Variants in TYW1B observed in about 807,000 individuals in gnomAD.
The protein encoded by TYW1B is S-adenosyl-L-methionine-dependent tRNA 4-demethylwyosine synthase TYW1B.
A neutral mutation model predicts 86.9 loss-of-function variants in TYW1B; 73 were observed. That is an observed-to-expected ratio of 0.84 (90% confidence interval 0.70 to 1.02). The LOEUF (loss-of-function observed/expected upper bound fraction) is 1.02, where lower values mean the gene tolerates loss of function less well. Ranked by LOEUF, TYW1B falls within the 50% of genes least tolerant of loss-of-function variation. The probability of loss-of-function intolerance (pLI) is 0.00; values close to 1 mark genes in which losing one functional copy is unlikely to be tolerated. For synonymous variants in TYW1B, 248 were observed against 292.8 expected (o/e 0.85, Z 1.56); for missense variants, 637 against 827.4 (o/e 0.77, Z 2.82).
At chr7:72,827,958 T>G in intron 1 of TYW1B, 114 bp downstream of exon 1, 1 of 1,561,492 alleles carries the variant, frequency 6.4e-7, no homozygotes. Flanking sequence ...TGCTGTCAAG[T>G]GCAACAGTCT....
intron 7 of TYW1B, among the ~76,000 whole-genome samples, chr7:72,777,136 T>C (rs1469802319): frequency 5.3e-5 from 8 of 152,068 alleles, no homozygotes; most frequent in Non-Finnish European, 8.8e-5. Context: ...CATATAAGCT[T>C]TTCTATGCAT....
At chr7:72,764,526 C>A (rs1787740257) in intron 7 of TYW1B, among the ~76,000 whole-genome samples, 1 of 152,172 alleles carries the variant, frequency 6.6e-6, no homozygotes, top group South Asian at 2.1e-4. Flanking sequence ...CGTCATCCGC[C>A]CACCTCGGCC....
At chr7:72,623,804 T>G (rs1209489159) in intron 12 of TYW1B, among the ~76,000 whole-genome samples, 3 of 152,176 alleles carry the variant, frequency 2.0e-5, no homozygotes, top group African/African-American at 7.2e-5. Flanking sequence ...CTGTTGTTAT[T>G]TATTAATTTT....
At chr7:72,580,346 G>A (rs781799868) in intron 13 of TYW1B, among the ~76,000 whole-genome samples, 1 of 152,202 alleles carries the variant, frequency 6.6e-6, no homozygotes, top group Non-Finnish European at 1.5e-5. Flanking sequence ...ACAGAGGCAT[G>A]AAACCCCAAA....
At chr7:72,602,607 T>C (rs1309760865) in intron 13 of TYW1B, among the ~76,000 whole-genome samples, 2 of 152,108 alleles carry the variant, frequency 1.3e-5, no homozygotes, top group Non-Finnish European at 2.9e-5. Flanking sequence ...ACAATGGGGT[T>C]ATGTTCTGAT....
chr7:72,717,145 A>G (rs1786804368), intron 9 of TYW1B, among the ~76,000 whole-genome samples: 1 of 151,902 alleles, frequency 6.6e-6, no homozygotes, highest in East Asian at 2.0e-4. Context: ...TACTAAAAAT[A>G]CAAAAATTAG....
intron 2 of TYW1B, among the ~76,000 whole-genome samples, chr7:72,823,767 C>T (rs1183034096): frequency 6.6e-6 from 1 of 152,052 alleles, no homozygotes; most frequent in Non-Finnish European, 1.5e-5. Flanking sequence ...GACTTGAGGG[C>T]TGTTTGTATA....
At chr7:72,743,806 T>C (rs1203429217) in intron 8 of TYW1B, among the ~76,000 whole-genome samples, 11 of 147,026 alleles carry the variant, frequency 7.5e-5, no homozygotes, top group Admixed American at 2.1e-4. Context: ...ATGACGCCAC[T>C]GCCCTCCACC....
intron 7 of TYW1B, among the ~76,000 whole-genome samples, chr7:72,745,833 C>T (rs1200007973): frequency 7.0e-6 from 1 of 143,278 alleles, no homozygotes; most frequent in Non-Finnish European, 1.5e-5. Flanking sequence ...GAATGAGTAG[C>T]CTTTACACGT....
intron 13 of TYW1B, among the ~76,000 whole-genome samples, chr7:72,603,730 G>A (rs76157000): frequency 6.6e-6 from 1 of 152,010 alleles, no homozygotes; most frequent in Non-Finnish European, 1.5e-5. Flanking sequence ...ATGATGTGAT[G>A]AAAACGGCAC....
At chr7:72,596,853 A>G (rs1554432703) in intron 13 of TYW1B, among the ~76,000 whole-genome samples, 4 of 152,000 alleles carry the variant, frequency 2.6e-5, no homozygotes, top group African/African-American at 4.8e-5. Flanking sequence ...AAAATGGGGA[A>G]AAAAATTGCA....
chr7:72,653,406 A>C (rs1159616615), intron 11 of TYW1B, among the ~76,000 whole-genome samples: 1 of 152,034 alleles, frequency 6.6e-6, no homozygotes, highest in Non-Finnish European at 1.5e-5. Flanking sequence ...GGAGATCGAG[A>C]CCATCCTGGC....
chr7:72,670,712 TA>T (rs1813580196), intron 11 of TYW1B, among the ~76,000 whole-genome samples: 1 of 152,182 alleles, frequency 6.6e-6, no homozygotes, highest in Non-Finnish European at 1.5e-5. Context: ...ACACGAACTC[TA>T]AAAATGTCTG....
chr7:72,652,147 G>A (rs1813075180), intron 11 of TYW1B, among the ~76,000 whole-genome samples: 1 of 152,106 alleles, frequency 6.6e-6, no homozygotes, highest in Admixed American at 6.6e-5. Flanking sequence ...GGAGGCTGAG[G>A]CAGGCGGATC....
At chr7:72,640,179 A>G (rs1812769689) in intron 11 of TYW1B, among the ~76,000 whole-genome samples, 1 of 152,046 alleles carries the variant, frequency 6.6e-6, no homozygotes, top group Non-Finnish European at 1.5e-5. Context: ...AGAGAAAAAG[A>G]CAGCTGAAAA....
Position 72,777,806 on chromosome 7 carries a change from C to T in TYW1B, c.847-273G>A, listed in dbSNP as rs538499268. On this transcript the variant is annotated intron_variant, in intron 6 of 13. Transcript: ENST00000620995. Reference sequence around the variant, plus strand: ...TGGCTCACACCTGTAATCCCAGCTACTCAGGAGGCTGAGGCAGGAGAATCG... The same window carrying T: ...TGGCTCACACCTGTAATCCCAGCTATTCAGGAGGCTGAGGCAGGAGAATCG... Among the ~76,000 whole-genome samples, 9 of 152,272 alleles carry T rather than the reference C, an allele frequency of 5.9e-5. No individual in the cohort carries two copies. The South Asian group carries it at 1.0e-3, about 18-fold the overall frequency.
At chr7:72,717,325 A>C (rs549001659) in intron 9 of TYW1B, among the ~76,000 whole-genome samples, 7 of 151,478 alleles carry the variant, frequency 4.6e-5, no homozygotes, top group Middle Eastern at 3.4e-3. Flanking sequence ...AAAATCATGC[A>C]GTTTATACAG....
chr7:72,710,866 T>C (rs1786643584), intron 10 of TYW1B, among the ~76,000 whole-genome samples: 1 of 152,228 alleles, frequency 6.6e-6, no homozygotes, highest in African/African-American at 2.4e-5. Context: ...ATGTGATCAA[T>C]CTTTCTAGAA....
chr7:72,806,824 A>T (rs1314025854), intron 5 of TYW1B, among the ~76,000 whole-genome samples: 1 of 151,332 alleles, frequency 6.6e-6, no homozygotes, highest in African/African-American at 2.4e-5. Context: ...CTAAATTTAA[A>T]ATTATTGTGG....
Sources: allele counts gnomAD v4.1 joint callset (sites outside exome capture counted in the v4.1 genomes callset), GRCh38; gene constraint gnomAD v4.1.1; transcripts MANE v1.5; gene names NCBI Gene and HGNC (gene_info 2026-07-23, HGNC 2026-07-21).